The following RPA3 variants were observed in gnomAD, a reference collection of about 807,000 sequenced individuals.
RPA3 encodes the protein replication protein A 14 kDa subunit.
A neutral mutation model predicts 13.7 loss-of-function variants in RPA3; 24 were observed. That is an observed-to-expected ratio of 1.75 (90% CI 1.27 to 2.46). RPA3 has a LOEUF of 2.46. Among genes scored for constraint, RPA3 ranks in the 30% most tolerant of loss-of-function variants. The pLI is 0.00. For missense variants in RPA3, 183 were observed against 151.0 expected, an observed-to-expected ratio of 1.21 and a Z score of -1.11; for synonymous variants, 59 against 51.2, an observed-to-expected ratio of 1.15 and a Z score of -0.65.
chr7:7,637,373 C>T (rs896842178), intron 7 of RPA3, among the ~76,000 whole-genome samples: 2 of 152,096 alleles, frequency 1.3e-5, no homozygotes, highest in Non-Finnish European at 2.9e-5. Context: ...AAAACTAATA[C>T]TATTTTTGTT....
Position 7,640,463 on chromosome 7 carries a change from T to G in RPA3, c.-45A>C. 6.4e-7 allele frequency: 1 copy of G among 1,574,530 alleles called. No individual in the cohort carries two copies. Among genetic ancestry groups the G allele is most frequent in the South Asian group, 1.1e-5 (1 of 90,418 alleles). On this transcript the variant is annotated 5_prime_UTR_variant, in exon 5 of 8. Coordinates refer to ENST00000223129, the MANE Select transcript of RPA3 (RefSeq NM_002947.5). Reference sequence around the variant, plus strand: ...GGCTGGCGGGAAACCCACGGACGACTGAAACTGTGCGCCCCGCGGGTGTCT... The same window carrying G: ...GGCTGGCGGGAAACCCACGGACGACGGAAACTGTGCGCCCCGCGGGTGTCT...
chr7:7,667,822 A>G lies in RPA3; in HGVS notation c.-758+18008T>C, dbSNP rs574069785. Among the ~76,000 whole-genome samples the G allele has an allele frequency of 2.0e-5, 3 of 152,352 alleles. No individual in the cohort carries two copies. In the South Asian group the frequency reaches 6.2e-4, roughly 32 times the overall value. On this transcript the variant is annotated intron_variant, in intron 4 of 7. Coordinates refer to ENST00000223129, the MANE Select transcript of RPA3 (RefSeq NM_002947.5). ...GTTTCTGGTCTCTGCTGCTTTACTG[A>G]TGAAAAGCATTCAGTTTTGGTGCCA...
chr7:7,656,365 G>C (rs1212389360), intron 4 of RPA3, among the ~76,000 whole-genome samples: 1 of 150,482 alleles, frequency 6.6e-6, no homozygotes, highest in African/African-American at 2.4e-5. Flanking sequence ...TGTACAGAAC[G>C]TGCAGGTTTG....
At chr7:7,688,357 A>G (rs761645267) in intron 2 of RPA3, among the ~76,000 whole-genome samples, 18 of 152,154 alleles carry the variant, frequency 1.2e-4, no homozygotes, top group Non-Finnish European at 2.5e-4. Flanking sequence ...AGAAAGTAGA[A>G]TGTGAGAACC....
chr7:7,697,753 A>G (rs957441229), intron 2 of RPA3, among the ~76,000 whole-genome samples: 1 of 152,040 alleles, frequency 6.6e-6, no homozygotes, highest in African/African-American at 2.4e-5. Flanking sequence ...AGGATATGAG[A>G]TTTACTGTAT....
At chr7:7,698,448 G>A (rs893895417) in intron 2 of RPA3, among the ~76,000 whole-genome samples, 1 of 152,174 alleles carries the variant, frequency 6.6e-6, no homozygotes, top group African/African-American at 2.4e-5. Context: ...TTACAGCTTA[G>A]CCTTTTCCTT....
chr7:7,677,968 C>T (rs557135407), intron 4 of RPA3, among the ~76,000 whole-genome samples: 13 of 152,060 alleles, frequency 8.5e-5, no homozygotes, highest in East Asian at 3.9e-4. Flanking sequence ...CCACCGCGCC[C>T]GGCCTATCTA....
chr7:7,644,829 T>G (rs1368444601), intron 4 of RPA3, among the ~76,000 whole-genome samples: 2 of 152,240 alleles, frequency 1.3e-5, no homozygotes, highest in African/African-American at 2.4e-5. Flanking sequence ...CTGTATAGAA[T>G]GTAGCTTATG....
intron 2 of RPA3, among the ~76,000 whole-genome samples, chr7:7,704,766 CAAAAAAAA>C: frequency 5.6e-5 from 1 of 17,854 alleles, no homozygotes; most frequent in African/African-American, 2.1e-4. Context: ...GACTCCATCT[CAAAAAAAA>C]AAAAAAAAAA....
chr7:7,651,300 C>A (rs575602986), intron 4 of RPA3, among the ~76,000 whole-genome samples: 3 of 152,166 alleles, frequency 2.0e-5, no homozygotes, highest in Non-Finnish European at 4.4e-5. Context: ...CCTTGCAGGA[C>A]TTGTGACAAG....
At chr7:7,697,158 T>C (rs1222051766) in intron 2 of RPA3, among the ~76,000 whole-genome samples, 1 of 152,188 alleles carries the variant, frequency 6.6e-6, no homozygotes, top group Admixed American at 6.5e-5. Context: ...TTTAAAGTCT[T>C]GATGATCATA....
intron 4 of RPA3, among the ~76,000 whole-genome samples, chr7:7,675,018 A>T (rs945911005): frequency 1.3e-5 from 2 of 151,896 alleles, no homozygotes; most frequent in African/African-American, 4.8e-5. Context: ...TGTATTTAAA[A>T]TTTTTTTTAA....
At chr7:7,694,247 A>T (rs968564987) in intron 2 of RPA3, among the ~76,000 whole-genome samples, 1 of 152,058 alleles carries the variant, frequency 6.6e-6, no homozygotes, top group African/African-American at 2.4e-5. Context: ...TTTAATTTTT[A>T]TGAGTATATA....
At chr7:7,689,306 T>A (rs1780116634) in intron 2 of RPA3, 1 of 152,190 alleles carries the variant, frequency 6.6e-6, no homozygotes, top group Admixed American at 6.5e-5. Flanking sequence ...GCTGATGATG[T>A]TTTATCTATC....
At chr7:7,710,866 C>T (rs1372322105) in intron 2 of RPA3, among the ~76,000 whole-genome samples, 1 of 152,126 alleles carries the variant, frequency 6.6e-6, no homozygotes, top group Non-Finnish European at 1.5e-5. Context: ...GAAGAAGTAA[C>T]AAACTGTTGA....
chr7:7,707,762 G>A (rs925835704), intron 2 of RPA3, among the ~76,000 whole-genome samples: 12 of 152,156 alleles, frequency 7.9e-5, no homozygotes, highest in African/African-American at 2.7e-4. Context: ...TTGGGCATTT[G>A]TAGTCCTTTT....
intron 4 of RPA3, among the ~76,000 whole-genome samples, chr7:7,674,909 T>C (rs926623931): frequency 6.6e-6 from 1 of 151,444 alleles, no homozygotes; most frequent in Non-Finnish European, 1.5e-5. Flanking sequence ...AAAAAACTCT[T>C]GTTTTCCACT....
At chr7:7,678,136 G>C (rs1222102563) in intron 4 of RPA3, among the ~76,000 whole-genome samples, 2 of 21,516 alleles carry the variant, frequency 9.3e-5, no homozygotes, top group Non-Finnish European at 1.6e-4. Flanking sequence ...TAGTAGTTCT[G>C]TTTTTAGTTT....
intron 4 of RPA3, among the ~76,000 whole-genome samples, chr7:7,682,067 A>T (rs1323313318): frequency 6.6e-6 from 1 of 152,198 alleles, no homozygotes; most frequent in Non-Finnish European, 1.5e-5. Flanking sequence ...GCAGAATGAA[A>T]TTGGGCAAAC....
Sources: allele counts gnomAD v4.1 joint callset (sites outside exome capture counted in the v4.1 genomes callset), GRCh38; gene constraint gnomAD v4.1.1; transcripts MANE v1.5; gene names NCBI Gene and HGNC (gene_info 2026-07-23, HGNC 2026-07-21).